RGS6: variants seen among roughly 807,000 people sequenced by gnomAD.
The protein encoded by RGS6 is regulator of G-protein signaling 6.
Under a neutral mutation model 78.5 loss-of-function variants are expected in RGS6, and 30 were observed. That is an observed-to-expected ratio of 0.38 (90% confidence interval 0.29 to 0.52). RGS6 has a LOEUF of 0.52. Ranked by LOEUF, RGS6 falls within the 20% of genes least tolerant of loss-of-function variation. The probability of loss-of-function intolerance (pLI) is 0.85; values close to 1 mark genes in which losing one functional copy is unlikely to be tolerated. For missense variants in RGS6, 495 were observed against 609.7 expected (o/e 0.81, Z 1.98); for synonymous variants, 206 against 206.0 (o/e 1.00, Z 0.00).
At chr14:72,250,135 A>T (rs1461720173) in intron 2 of RGS6, among the ~76,000 whole-genome samples, 3 of 150,914 alleles carry the variant, frequency 2.0e-5, no homozygotes, top group Non-Finnish European at 4.4e-5. Context: ...GATATACCTA[A>T]TGCTAGATGA....
At chr14:72,096,986 C>T (rs1035753341) in intron 2 of RGS6, among the ~76,000 whole-genome samples, 1 of 152,174 alleles carries the variant, frequency 6.6e-6, no homozygotes, top group African/African-American at 2.4e-5. Context: ...GCTGCTGCAG[C>T]ACGTCTGTAG....
chr14:71,987,689 T>C (rs926285386), intron 2 of RGS6, among the ~76,000 whole-genome samples: 1 of 152,040 alleles, frequency 6.6e-6, no homozygotes, highest in Non-Finnish European at 1.5e-5. Context: ...CTGGCTAATT[T>C]TTAAACTTTT....
chr14:71,915,570 A>G, the RGS6 span, among the ~76,000 whole-genome samples: 2 of 151,558 alleles, frequency 1.3e-5, no homozygotes, highest in African/African-American at 4.9e-5. Context: ...CCTAGTGTCC[A>G]CTCCACTTTG....
At chr14:72,436,669 A>G (rs1287146715) in intron 3 of RGS6, among the ~76,000 whole-genome samples, 1 of 152,228 alleles carries the variant, frequency 6.6e-6, no homozygotes, top group Admixed American at 6.5e-5. Context: ...AATGTATTTA[A>G]CAACCTGAAA....
intron 2 of RGS6, among the ~76,000 whole-genome samples, chr14:71,982,007 C>A (rs111793065): frequency 2.6e-5 from 4 of 151,862 alleles, no homozygotes; most frequent in African/African-American, 9.6e-5. Context: ...TTTTTAAGCC[C>A]GTCGGAAAAG....
chr14:72,553,559 T>C (rs2097534320), intron 17 of RGS6, among the ~76,000 whole-genome samples: 1 of 152,144 alleles, frequency 6.6e-6, no homozygotes, highest in African/African-American at 2.4e-5. Flanking sequence ...TTTGTACCCA[T>C]AGTTTTTCTC....
At chr14:72,504,071 T>C (rs2096765299) in intron 13 of RGS6, among the ~76,000 whole-genome samples, 1 of 152,218 alleles carries the variant, frequency 6.6e-6, no homozygotes, top group African/African-American at 2.4e-5. Context: ...TCCTACTACA[T>C]GTCCCTTGAA....
intron 2 of RGS6, among the ~76,000 whole-genome samples, chr14:71,965,794 G>A (rs2153054530): frequency 6.6e-6 from 1 of 152,312 alleles, no homozygotes; most frequent in African/African-American, 2.4e-5. Flanking sequence ...GAAAGGTAAG[G>A]AGGGAAAGGA....
At chr14:72,187,521 CT>C (rs1380113258) in intron 2 of RGS6, among the ~76,000 whole-genome samples, 1 of 152,124 alleles carries the variant, frequency 6.6e-6, no homozygotes, top group African/African-American at 2.4e-5. Flanking sequence ...GATTTTCAGT[CT>C]TTTATTTCCA....
chr14:72,016,399 A>G (rs1235056001), intron 2 of RGS6, among the ~76,000 whole-genome samples: 2 of 152,032 alleles, frequency 1.3e-5, no homozygotes, highest in African/African-American at 4.8e-5. Context: ...GGAGTCTCGC[A>G]CTGTTCCCCA....
chr14:72,020,500 GTC>G (rs1220539357), intron 2 of RGS6, among the ~76,000 whole-genome samples: 2 of 152,196 alleles, frequency 1.3e-5, no homozygotes, highest in Non-Finnish European at 2.9e-5. Flanking sequence ...GGCACACCTT[GTC>G]TCTCTTCTCT....
chr14:72,269,138 C>A lies in RGS6; in HGVS notation c.85-82957C>A, dbSNP rs2681715. Among the ~76,000 whole-genome samples, 12 of 6,716 alleles carry A rather than the reference C, an allele frequency of 1.8e-3. 1 individual carries two copies. The East Asian group carries it at 0.03, about 17-fold the overall frequency. 4.4% of individuals were successfully genotyped at this position (6,716 alleles called of 152,430 possible). A position where few individuals can be genotyped will look rare whatever the true frequency, so the allele number is the denominator to read the frequency against. On this transcript the variant is annotated intron_variant, in intron 2 of 17. Transcript: ENST00000553525. ...TACCCAGAATCTATTACCTCCGCCC[C>A]CCCACCACCCACCTTGCTCCAAGCC... is the stretch of plus-strand genomic sequence containing the variant.
At chr14:72,532,810 G>A (rs1012095064) in intron 15 of RGS6, among the ~76,000 whole-genome samples, 3 of 152,244 alleles carry the variant, frequency 2.0e-5, no homozygotes, top group African/African-American at 7.2e-5. Context: ...GGCTGAAAGA[G>A]GTGAGGAAGC....
Position 72,562,990 on chromosome 14 carries a change from G to C in RGS6, c.*523G>C. 3.4e-6 allele frequency: 2 copies of C among 583,926 alleles called. No homozygotes were observed. The highest frequency in any genetic ancestry group is 6.1e-6 in the Non-Finnish European group (2 of 325,718). The allele number at this position is 583,926 out of a possible 1,614,324, so 36.2% of individuals were successfully genotyped here. A position where few individuals can be genotyped will look rare whatever the true frequency, so the allele number is the denominator to read the frequency against. Reference sequence around the variant, plus strand: ...ATCCCTCACGTCTCTGTGGCCACCCGGGTGTCACTGCCAGCACCAGGCACT... The same window carrying C: ...ATCCCTCACGTCTCTGTGGCCACCCCGGTGTCACTGCCAGCACCAGGCACT... On this transcript the variant is annotated 3_prime_UTR_variant, in exon 18 of 18. Transcript: ENST00000553525.
intron 3 of RGS6, among the ~76,000 whole-genome samples, chr14:72,376,690 A>AG (rs1407694609): frequency 6.6e-6 from 1 of 152,228 alleles, no homozygotes. Context: ...AAGTAGTGAA[A>AG]GAAAAAAAAT....
At chr14:72,105,076 T>C (rs2095605973) in intron 2 of RGS6, among the ~76,000 whole-genome samples, 1 of 152,224 alleles carries the variant, frequency 6.6e-6, no homozygotes, top group Non-Finnish European at 1.5e-5. Flanking sequence ...ACTAGCCCTA[T>C]GGGAATCAGA....
chr14:72,603,666 C>T, the RGS6 span, among the ~76,000 whole-genome samples: 11 of 151,952 alleles, frequency 7.2e-5, no homozygotes, highest in African/African-American at 1.2e-4. Context: ...TGACAACGAG[C>T]AGGGAGCATC....
the RGS6 span, among the ~76,000 whole-genome samples, chr14:72,611,329 T>A: frequency 6.6e-6 from 1 of 151,842 alleles, no homozygotes. Flanking sequence ...CAACTGAGAG[T>A]CTAAGCCAGC....
the RGS6 span, among the ~76,000 whole-genome samples, chr14:71,888,668 A>G: frequency 2.0e-5 from 3 of 151,728 alleles, no homozygotes; most frequent in African/African-American, 7.3e-5. Flanking sequence ...AAAAAAAAAA[A>G]TAGGTGGTCA....
Sources: allele counts gnomAD v4.1 joint callset (sites outside exome capture counted in the v4.1 genomes callset), GRCh38; gene constraint gnomAD v4.1.1; transcripts MANE v1.5; gene names NCBI Gene and HGNC (gene_info 2026-07-23, HGNC 2026-07-21).